Variants in PCDH15 observed in about 807,000 individuals in gnomAD.
The protein encoded by PCDH15 is protocadherin-15.
PCDH15 carries 129 observed loss-of-function variants against 178.5 expected under a neutral mutation model. That is an observed-to-expected ratio of 0.72 (90% CI 0.63 to 0.84). PCDH15 has a LOEUF of 0.84. Among genes scored for constraint, PCDH15 ranks in the 40% least tolerant of loss-of-function variants. The probability of loss-of-function intolerance (pLI) is 0.00; values close to 1 mark genes in which losing one functional copy is unlikely to be tolerated. For synonymous variants in PCDH15, 800 were observed against 732.0 expected (o/e 1.09, Z -1.50); for missense variants, 2,230 against 2,099.9 (o/e 1.06, Z -1.21).
intron 3 of PCDH15, among the ~76,000 whole-genome samples, chr10:54,473,546 T>C: frequency 6.6e-6 from 1 of 152,126 alleles, no homozygotes; most frequent in East Asian, 1.9e-4. Context: ...TCTATTTTAT[T>C]GTTAACACTT....
chr10:55,159,505 A>G lies in PCDH15; in HGVS notation c.-80+7071T>C, dbSNP rs529327286. Among the ~76,000 whole-genome samples, 9 of 149,716 alleles carry G rather than the reference A, an allele frequency of 6.0e-5. No homozygotes were observed. In the South Asian group the frequency reaches 1.5e-3, roughly 24 times the overall value. On this transcript the variant is annotated intron_variant, in intron 2 of 5. Transcript: ENST00000458638. The stretch of plus-strand genomic sequence containing the variant: ...CACACACACATACACACACACACAT[A>G]TACACACACACAACTAGATTTGTTA...
At chr10:54,220,868 A>ATAAGTAAG (rs1554844306) in intron 9 of PCDH15, among the ~76,000 whole-genome samples, 14 of 143,206 alleles carry the variant, frequency 9.8e-5, no homozygotes, top group African/African-American at 3.7e-4. Flanking sequence ...AAATAAATAA[A>ATAAGTAAG]TAAGTAAAAT....
At chr10:55,537,242 T>C (rs1841598525) in intron 2 of PCDH15, among the ~76,000 whole-genome samples, 1 of 152,150 alleles carries the variant, frequency 6.6e-6, no homozygotes, top group Admixed American at 6.6e-5. Context: ...CTAATATGTT[T>C]TCACATTTAA....
chr10:54,200,730 C>T (rs913457304), intron 10 of PCDH15, among the ~76,000 whole-genome samples: 55 of 152,246 alleles, frequency 3.6e-4, no homozygotes, highest in African/African-American at 1.3e-3. Context: ...GGTTCTCTTC[C>T]TATTTTACTA....
chr10:54,186,159 A>C (rs1353377170), intron 11 of PCDH15, among the ~76,000 whole-genome samples: 4 of 152,042 alleles, frequency 2.6e-5, no homozygotes, highest in Non-Finnish European at 4.4e-5. Flanking sequence ...AGAGTGGACT[A>C]TTATGAAGGC....
intron 3 of PCDH15, among the ~76,000 whole-genome samples, chr10:54,806,897 T>G (rs1952787174): frequency 6.6e-6 from 1 of 152,282 alleles, no homozygotes; most frequent in Admixed American, 6.5e-5. Context: ...AAAACATGGC[T>G]GATTGCTTTT....
At chr10:55,624,825 G>C (rs996026532) in intron 2 of PCDH15, among the ~76,000 whole-genome samples, 12 of 151,894 alleles carry the variant, frequency 7.9e-5, no homozygotes, top group African/African-American at 2.2e-4. Flanking sequence ...ACTCACCATT[G>C]GGTTCAGAAC....
intron 2 of PCDH15, among the ~76,000 whole-genome samples, chr10:55,455,323 C>G (rs181974302): frequency 7.5e-4 from 114 of 152,190 alleles, no homozygotes; most frequent in African/African-American, 2.6e-3. Context: ...CAATGTAAAA[C>G]ATCTCTGGAA....
intron 1 of PCDH15, among the ~76,000 whole-genome samples, chr10:54,731,564 A>ATATATATATGTATATG (rs1491229343): frequency 2.3e-5 from 1 of 43,348 alleles, no homozygotes; most frequent in Non-Finnish European, 4.6e-5. Context: ...ATATATATAT[A>ATATATATATGTATATG]CACACACACA....
In PCDH15 at chr10:55,234,433, G is replaced by T. The variant is rs372331998; in HGVS notation, c.-155-67782C>A. On this transcript the variant is annotated intron_variant, in intron 1 of 5. Transcript: ENST00000458638. ...TCATTTTTTTTTTCTTTGAGACAGG[G>T]TCTCACTCTCACTCAGGCTGGAGTG... Among the ~76,000 whole-genome samples the T allele has an allele frequency of 5.1e-4, 77 of 151,492 alleles. No individual in the cohort carries two copies. The South Asian group carries it at 0.015, about 30-fold the overall frequency.
chr10:55,570,163 T>C (rs1842379795), intron 2 of PCDH15, among the ~76,000 whole-genome samples: 1 of 152,020 alleles, frequency 6.6e-6, no homozygotes, highest in Non-Finnish European at 1.5e-5. Context: ...TTAAAAATAC[T>C]AGAATTTCAT....
intron 2 of PCDH15, among the ~76,000 whole-genome samples, chr10:55,068,553 C>G (rs982192249): frequency 1.3e-5 from 2 of 151,980 alleles, no homozygotes; most frequent in Non-Finnish European, 2.9e-5. Flanking sequence ...TTTTATTTTG[C>G]TCAGGATTTC....
chr10:54,585,559 G>C lies in PCDH15; in HGVS notation c.92-57682C>G, dbSNP rs1024264280. 1.3e-5 allele frequency: 3 copies of C among 226,734 alleles called. No individual in the cohort carries two copies. In the Admixed American group the frequency reaches 1.4e-4, roughly 11 times the overall value. 14.0% of individuals were successfully genotyped at this position (226,734 alleles called of 1,614,324 possible). A position where few individuals can be genotyped will look rare whatever the true frequency, so the allele number is the denominator to read the frequency against. ...CTTCATAGCTGTAGGCTAACCAATAGTTAACAAATAATTCATTCATTTCAT... is the reference window on the plus strand; with the variant it reads ...CTTCATAGCTGTAGGCTAACCAATACTTAACAAATAATTCATTCATTTCAT... On this transcript the variant is annotated intron_variant, in intron 2 of 37. Coordinates refer to ENST00000644397, the MANE Select transcript of PCDH15 (RefSeq NM_001384140.1).
intron 35 of PCDH15, among the ~76,000 whole-genome samples, chr10:53,814,071 C>A (rs969960373): frequency 6.6e-6 from 1 of 152,226 alleles, no homozygotes; most frequent in Non-Finnish European, 1.5e-5. Flanking sequence ...TTATTTCAAA[C>A]TAAGTACTTT....
chr10:54,590,694 A>G (rs1294886176), intron 2 of PCDH15, among the ~76,000 whole-genome samples: 1 of 152,166 alleles, frequency 6.6e-6, no homozygotes, highest in African/African-American at 2.4e-5. Flanking sequence ...CATCTGTTAC[A>G]GGCAGAGAGA....
intron 2 of PCDH15, among the ~76,000 whole-genome samples, chr10:55,145,209 A>G (rs4935133): frequency 0.9 from 137,066 of 151,922 alleles, 62,507 homozygotes; most frequent in Non-Finnish European, 0.97. Context: ...TACACCATCT[A>G]CCATTAATTG....
chr10:54,246,023 G>A (rs576565294), intron 8 of PCDH15, among the ~76,000 whole-genome samples: 1 of 151,706 alleles, frequency 6.6e-6, no homozygotes, highest in Non-Finnish European at 1.5e-5. Flanking sequence ...TTTTCACAAG[G>A]TCTGACAATA....
At chr10:54,189,406 A>C (rs200962941) in intron 11 of PCDH15, 279 of 1,489,334 alleles carry the variant, frequency 1.9e-4, no homozygotes, top group Non-Finnish European at 2.3e-4. Context: ...TTAAACATGA[A>C]ATAAATATTG....
At chr10:54,776,668 A>G (rs1949742922) in intron 1 of PCDH15, among the ~76,000 whole-genome samples, 1 of 152,228 alleles carries the variant, frequency 6.6e-6, no homozygotes, top group Non-Finnish European at 1.5e-5. Context: ...AAATGCAAAT[A>G]AATAAATTAA....
Sources: allele counts gnomAD v4.1 joint callset (sites outside exome capture counted in the v4.1 genomes callset), GRCh38; gene constraint gnomAD v4.1.1; transcripts MANE v1.5; gene names NCBI Gene and HGNC (gene_info 2026-07-23, HGNC 2026-07-21).